Variants in USP25 observed in about 807,000 individuals in gnomAD.
The protein encoded by USP25 is ubiquitin specific peptidase 25, also known as ubiquitin carboxyl-terminal hydrolase 25.
A neutral mutation model predicts 158.5 loss-of-function variants in USP25; 85 were observed. The observed-to-expected ratio is 0.54, with a 90% CI of 0.45 to 0.64. The LOEUF (loss-of-function observed/expected upper bound fraction) is 0.64, where lower values mean the gene tolerates loss of function less well. Ranked by LOEUF, USP25 falls within the 30% of genes least tolerant of loss-of-function variation. The pLI, the probability that USP25 is intolerant of heterozygous loss-of-function variation, is 0.00. For synonymous variants in USP25, 464 were observed against 460.4 expected, an observed-to-expected ratio of 1.01 and a Z score of -0.10; for missense variants, 1,242 against 1,327.3, an observed-to-expected ratio of 0.94 and a Z score of 1.00.
intron 4 of USP25, among the ~76,000 whole-genome samples, chr21:15,782,049 C>T (rs1410492324): frequency 6.6e-6 from 1 of 152,220 alleles, no homozygotes; most frequent in East Asian, 1.9e-4. Context: ...AGCACTAATA[C>T]CTTGGCTACT....
intron 5 of USP25, among the ~76,000 whole-genome samples, chr21:15,798,911 G>T (rs2035994289): frequency 6.6e-6 from 1 of 151,144 alleles, no homozygotes; most frequent in Non-Finnish European, 1.5e-5. Context: ...CCTTTTCTAA[G>T]ATTTGAAACA....
Position 15,824,855 on chromosome 21 carries a change from A to T in USP25, c.1209-111A>T, listed in dbSNP as rs548489526. The T allele has an allele frequency of 3.8e-6, 3 of 783,786 alleles. No homozygotes were observed. In the East Asian group the frequency reaches 8.6e-5, roughly 23 times the overall value. The allele number at this position is 783,786 out of a possible 1,614,324, so 48.6% of individuals were successfully genotyped here. ...GGTCTTGAACTCCTGACCTCAGGTG[A>T]TCCTCCCGCCTTGGCGTCCCAGAGT... On this transcript the variant is annotated intron_variant, in intron 11 of 25. Transcript: ENST00000400183.
At chr21:15,745,785 A>G (rs1002633025) in intron 1 of USP25, among the ~76,000 whole-genome samples, 8 of 151,414 alleles carry the variant, frequency 5.3e-5, no homozygotes, top group African/African-American at 9.7e-5. Flanking sequence ...TGCTTTAACC[A>G]TTTTCTTGAA....
At chr21:15,764,890 T>A (rs2033944704) in intron 2 of USP25, among the ~76,000 whole-genome samples, 1 of 152,080 alleles carries the variant, frequency 6.6e-6, no homozygotes, top group African/African-American at 2.4e-5. Flanking sequence ...TTGGGGTAGG[T>A]CTTGGGGACT....
chr21:15,852,780 T>A (rs943935288), intron 20 of USP25, among the ~76,000 whole-genome samples: 2 of 152,146 alleles, frequency 1.3e-5, no homozygotes, highest in African/African-American at 4.8e-5. Flanking sequence ...TTTTTATGTC[T>A]TTAGTGTGTG....
At position 15,826,466 on chromosome 21, in the gene USP25, T is replaced by G; in HGVS notation, c.1466+101T>G. Reference sequence around the variant, plus strand: ...GTTTCTATAAAATGTATGCTTTGATTTACTTCAGTGAACTCCTAAGAGTAG... The same window carrying G: ...GTTTCTATAAAATGTATGCTTTGATGTACTTCAGTGAACTCCTAAGAGTAG... On this transcript the variant is annotated intron_variant, in intron 13 of 25. Coordinates refer to ENST00000400183, the MANE Select transcript of USP25 (RefSeq NM_001283041.3). This position sits in a 1 kb window ranked among gnomAD's most constrained non-coding sequence, Gnocchi z 4.8. 7.2e-7 allele frequency: 1 copy of G among 1,385,354 alleles called. No individual in the cohort carries two copies. The highest frequency in any genetic ancestry group is 1.0e-6 in the Non-Finnish European group (1 of 1,003,982). The allele number at this position is 1,385,354 out of a possible 1,614,324, so 85.8% of individuals were successfully genotyped here.
At chr21:15,743,873 G>A (rs1029756226) in intron 1 of USP25, 1 of 155,048 alleles carries the variant, frequency 6.4e-6, no homozygotes, top group African/African-American at 2.4e-5. Context: ...AAACAGCTCT[G>A]CGCAGGCCTC....
chr21:15,866,157 C>G (rs2039646919), intron 21 of USP25, 109 bp from the exon 22 acceptor site: 3 of 516,570 alleles, frequency 5.8e-6, no homozygotes, highest in Middle Eastern at 5.8e-4. Flanking sequence ...TACAAAAGTA[C>G]TGCTGTTTTT....
chr21:15,878,270 T>C (rs772562414), intron 25 of USP25, 33 bp from the exon 26 acceptor site: 2 of 1,591,718 alleles, frequency 1.3e-6, no homozygotes, highest in Non-Finnish European at 1.7e-6. Context: ...ATAATTTCTA[T>C]CTTTAGTTAG....
rs374904335 is a variant in USP25 at position 15,810,542 on chromosome 21, T to G, written c.858-595T>G. Among the ~76,000 whole-genome samples the G allele has an allele frequency of 8.5e-5, 13 of 152,298 alleles. No homozygotes were observed. The East Asian group carries it at 1.5e-3, about 18-fold the overall frequency. On this transcript the variant is annotated intron_variant, in intron 8 of 25. Transcript: ENST00000400183. Reference sequence around the variant, plus strand: ...AAAAGAAAAAAATGAATTTTGGTATTAAATGACTTGGAAAATTTGTAGATG... The same window carrying G: ...AAAAGAAAAAAATGAATTTTGGTATGAAATGACTTGGAAAATTTGTAGATG...
intron 4 of USP25, among the ~76,000 whole-genome samples, chr21:15,786,354 C>T (rs1728950820): frequency 6.6e-6 from 1 of 152,038 alleles, no homozygotes; most frequent in African/African-American, 2.4e-5. Flanking sequence ...GGCCAATATC[C>T]CTGATCAACC....
chr21:15,827,592 T>C (rs1024953059), intron 14 of USP25, among the ~76,000 whole-genome samples: 1 of 152,196 alleles, frequency 6.6e-6, no homozygotes, highest in Non-Finnish European at 1.5e-5. Context: ...TTAAAAAATT[T>C]TCTTTGGGCT....
At chr21:15,842,297 G>A in intron 17 of USP25, 101 bp from the exon 18 acceptor site, 1 of 1,268,740 alleles carries the variant, frequency 7.9e-7, no homozygotes, top group South Asian at 1.8e-5. Flanking sequence ...GACTAAAATT[G>A]GTTCTTACAT....
At chr21:15,840,200 C>CTGA (rs1337173640) in intron 17 of USP25, among the ~76,000 whole-genome samples, 1 of 152,130 alleles carries the variant, frequency 6.6e-6, no homozygotes, top group African/African-American at 2.4e-5. Context: ...CAAGACTCAT[C>CTGA]TAAGTTAGCA....
chr21:15,757,500 A>G (rs1017786162), intron 1 of USP25, among the ~76,000 whole-genome samples: 3 of 152,198 alleles, frequency 2.0e-5, no homozygotes, highest in African/African-American at 7.2e-5. Context: ...CTTCTCCATA[A>G]TATACTCAGT....
intron 20 of USP25, among the ~76,000 whole-genome samples, chr21:15,851,614 T>C (rs2038892952): frequency 6.6e-6 from 1 of 152,110 alleles, no homozygotes; most frequent in South Asian, 2.1e-4. Flanking sequence ...ATATTATAAA[T>C]ATTACTACTT....
chr21:15,787,700 TC>T (rs2035356169), intron 4 of USP25, among the ~76,000 whole-genome samples: 1 of 152,044 alleles, frequency 6.6e-6, no homozygotes, highest in African/African-American at 2.4e-5. Context: ...TTTTAGGAAA[TC>T]AAATGAGATG....
intron 1 of USP25, among the ~76,000 whole-genome samples, chr21:15,738,527 T>C (rs565379726): frequency 3.3e-5 from 5 of 152,362 alleles, no homozygotes; most frequent in East Asian, 3.9e-4. Flanking sequence ...ATAACTGTTA[T>C]ATGGCAGTGC....
At chr21:15,795,536 T>G (rs2035818567) in intron 5 of USP25, among the ~76,000 whole-genome samples, 1 of 151,640 alleles carries the variant, frequency 6.6e-6, no homozygotes, top group Non-Finnish European at 1.5e-5. Context: ...CTTTGTGGTT[T>G]AAGCATGATC....
Sources: gnomAD v4.1 joint callset for allele counts (sites outside exome capture counted in the v4.1 genomes callset) on GRCh38, gnomAD v4.1.1 for gene constraint, Gnocchi (gnomAD v3.1) non-coding constraint, MANE v1.5 for transcripts, NCBI Gene and HGNC (gene_info 2026-07-23, HGNC 2026-07-21) for gene names.